Variants in NT5C3B observed in about 807,000 individuals in gnomAD.
NT5C3B encodes 7-methylguanosine phosphate-specific 5'-nucleotidase.
NT5C3B carries 28 observed loss-of-function variants against 32.5 expected under a neutral mutation model. The observed-to-expected ratio is 0.86, with a 90% CI of 0.64 to 1.18. NT5C3B has a LOEUF of 1.18. Among genes scored for constraint, NT5C3B ranks in the 50% most tolerant of loss-of-function variants. NT5C3B has a pLI of 0.00. For synonymous variants in NT5C3B, 138 were observed against 118.0 expected, an observed-to-expected ratio of 1.17 and a Z score of -1.10; for missense variants, 317 against 322.0, an observed-to-expected ratio of 0.98 and a Z score of 0.12.
At position 41,828,940 on chromosome 17, in the gene NT5C3B, C is replaced by T. The variant is rs782173095; in HGVS notation, c.417G>A (p.Lys139=). ...ESNAMLREGY[K]TFFNTLYHNN... ...TATGGTAGAGTGTGTTGAAGAAGGT[C>T]TTATATCCCTCCCTGAAAAGAGATG... is the stretch of plus-strand genomic sequence containing the variant. Residue 139 remains lysine (K), a synonymous_variant, in exon 7 of 9, where the codon AAG becomes AAA. Transcript: ENST00000435506. 19 of 1,609,118 alleles carry T rather than the reference C, an allele frequency of 1.2e-5. No homozygotes were observed. The highest frequency in any genetic ancestry group is 1.6e-5 in the Non-Finnish European group (19 of 1,176,060).
Position 41,830,727 on chromosome 17 carries a change from TC to T in NT5C3B, c.404+73del, listed in dbSNP as rs1425419364. 9 of 1,090,302 alleles carry T rather than the reference TC, an allele frequency of 8.3e-6. No homozygotes were observed. In the Admixed American group the frequency reaches 1.4e-4, roughly 17 times the overall value. The allele number at this position is 1,090,302 out of a possible 1,614,324, so 67.5% of individuals were successfully genotyped here. ...TAAGCAACTAACTGCTCTCTACTCTTCCCCCGCCTCCTTTTTTTGAACAAAA... is the reference window on the plus strand; with the variant it reads ...TAAGCAACTAACTGCTCTCTACTCTTCCCCGCCTCCTTTTTTTGAACAAAA... On this transcript the variant is annotated intron_variant, in intron 6 of 8. Coordinates refer to ENST00000435506, the MANE Select transcript of NT5C3B (RefSeq NM_052935.5).
At chr17:41,835,439 C>T (rs541928284) in intron 2 of NT5C3B, 167 bp from the exon 3 acceptor site, 228 of 661,452 alleles carry the variant, frequency 3.4e-4, no homozygotes, top group African/African-American at 3.4e-3. Context: ...GGGAAGTGAT[C>T]CTAATTAGTA....
rs192448762 is a variant in NT5C3B, at chr17:41,834,982, C to A, written c.228+88G>T. The A allele has an allele frequency of 6.1e-6, 8 of 1,304,562 alleles. No individual in the cohort carries two copies. In the African/African-American group the frequency reaches 1.0e-4, roughly 17 times the overall value. The allele number at this position is 1,304,562 out of a possible 1,614,324, so 80.8% of individuals were successfully genotyped here. On this transcript the variant is annotated intron_variant, in intron 4 of 8. Coordinates refer to ENST00000435506, the MANE Select transcript of NT5C3B (RefSeq NM_052935.5). ...TTTTTAAAAATTAATTTTCTAAGGT[C>A]TCTATACTGGAATCTTTGGTTCCAA...
In NT5C3B at chr17:41,827,500, TAG is replaced by T. The variant is rs782121910; in HGVS notation, c.692_693del (p.Ser231TyrfsTer24). ...GKTNVILLGD[S>X]IGDLTMADGV... Reference sequence around the variant, plus strand: ...CCATCGGCCATGGTGAGGTCCCCGATAGAGTCTCCCAGCAGGATGACATTGGT... The same window carrying T: ...CCATCGGCCATGGTGAGGTCCCCGATAGTCTCCCAGCAGGATGACATTGGT... On this transcript the variant is annotated frameshift_variant, in exon 8 of 9. Transcript: ENST00000435506. LOFTEE classifies it high-confidence loss of function. The T allele has an allele frequency of 4.6e-6, 4 of 872,846 alleles. No individual in the cohort carries two copies. Among genetic ancestry groups the T allele is most frequent in the East Asian group, 2.4e-5 (1 of 41,722 alleles). The allele number at this position is 872,846 out of a possible 1,614,324, so 54.1% of individuals were successfully genotyped here. A position where few individuals can be genotyped will look rare whatever the true frequency, so the allele number is the denominator to read the frequency against.
chr17:41,833,248 G>A (rs2048081810), intron 4 of NT5C3B, among the ~76,000 whole-genome samples: 1 of 152,104 alleles, frequency 6.6e-6, no homozygotes, highest in Non-Finnish European at 1.5e-5. Flanking sequence ...TCAGGTGATA[G>A]GTAAGAAAAC....
At position 41,825,127 on chromosome 17, in the gene NT5C3B, A is replaced by C; in HGVS notation, c.*396T>G. ...TCCTAGAAGCATCCCATGTGCCCCC[A>C]GGGCCAAGAGGTCCAGGTTCTACCC... On this transcript the variant is annotated 3_prime_UTR_variant, in exon 9 of 9. Coordinates refer to ENST00000435506, the MANE Select transcript of NT5C3B (RefSeq NM_052935.5). 1 of 163,994 alleles carries C rather than the reference A, an allele frequency of 6.1e-6. No homozygotes were observed. The allele number at this position is 163,994 out of a possible 1,614,324, so 10.2% of individuals were successfully genotyped here.
intron 7 of NT5C3B, among the ~76,000 whole-genome samples, chr17:41,827,946 A>G (rs538501748): frequency 4.5e-4 from 69 of 152,368 alleles, no homozygotes; most frequent in African/African-American, 1.6e-3. Context: ...CTTTTACAGC[A>G]TAAGTTTGTA....
In NT5C3B at chr17:41,825,600, C is replaced by T. The variant is rs1327388678; in HGVS notation, c.826G>A (p.Glu276Lys). The T allele has an allele frequency of 1.5e-5, 13 of 872,894 alleles. No individual in the cohort carries two copies. Among genetic ancestry groups the T allele is most frequent in the South Asian group, 2.6e-5 (2 of 76,552 alleles). The allele number at this position is 872,894 out of a possible 1,614,324, so 54.1% of individuals were successfully genotyped here. A position where few individuals can be genotyped will look rare whatever the true frequency, so the allele number is the denominator to read the frequency against. ...DSYDIVLEKD[E>K]TLDVVNGLLQ... The stretch of plus-strand genomic sequence containing the variant: ...AGCCCGTTGACCACATCCAGAGTCT[C>T]GTCCTTCTCCAGCACGATGTCATAG... The change falls in exon 9 of 9, where the codon GAG becomes AAG. Residue 276 changes from glutamate (E) to lysine (K), a missense_variant. Transcript: ENST00000435506.
At position 41,833,401 on chromosome 17, in the gene NT5C3B, C is replaced by G. The variant is rs946916492; in HGVS notation, c.229-924G>C. ...GCGCAATCTCGGCTCACTGCAACCT[C>G]CGCCTCCCGGGTTCGAGCAATTCTT... is the stretch of plus-strand genomic sequence containing the variant. On this transcript the variant is annotated intron_variant, in intron 4 of 8. Transcript: ENST00000435506. 3.9e-5 allele frequency among the ~76,000 whole-genome samples: 6 copies of G among 152,156 alleles called. No individual in the cohort carries two copies. In the East Asian group the frequency reaches 1.2e-3, roughly 29 times the overall value.
Position 41,835,283 on chromosome 17 carries a change from A to G in NT5C3B, c.112-11T>C, listed in dbSNP as rs782694441. 1.4e-5 allele frequency: 22 copies of G among 1,612,540 alleles called. 2 individuals are homozygous for G. In the South Asian group the frequency reaches 2.4e-4, roughly 18 times the overall value. ...AAAATCAGAAATCACCTATAAGGCA[A>G]AAGAGAGATGATGCCTAAATAGGCA... On this transcript the variant is annotated splice_polypyrimidine_tract_variant and intron_variant, in intron 2 of 8. Transcript: ENST00000435506.
intron 4 of NT5C3B, among the ~76,000 whole-genome samples, chr17:41,833,636 A>C (rs1555619371): frequency 6.6e-6 from 1 of 152,134 alleles, no homozygotes; most frequent in African/African-American, 2.4e-5. Context: ...TTATAAGTTA[A>C]TTACAATTTT....
chr17:41,832,741 G>T (rs1034227488), intron 4 of NT5C3B: 2 of 264,264 alleles, frequency 7.6e-6, no homozygotes, highest in African/African-American at 2.2e-5. Context: ...AGTGGCATGC[G>T]CCTTTAATCC....
intron 7 of NT5C3B, chr17:41,828,270 G>A (rs1428493792): frequency 3.2e-5 from 5 of 155,536 alleles, no homozygotes; most frequent in African/African-American, 1.2e-4. Flanking sequence ...CCATAAATTA[G>A]GTACCCCAGG....
intron 8 of NT5C3B, 118 bp from the exon 9 acceptor site, chr17:41,825,775 T>C: frequency 1.3e-6 from 1 of 792,990 alleles, no homozygotes; most frequent in Admixed American, 1.9e-5. Flanking sequence ...CCCAGCTCCC[T>C]TTTGAGAGCC....
At chr17:41,830,771 T>G in intron 6 of NT5C3B, 30 bp downstream of exon 6, 1 of 1,456,844 alleles carries the variant, frequency 6.9e-7, no homozygotes, top group Non-Finnish European at 9.6e-7. Flanking sequence ...AATAGTCTGA[T>G]AGAAATGTTT....
intron 3 of NT5C3B, 27 bp from the exon 4 acceptor site, chr17:41,835,143 T>C: frequency 6.2e-7 from 1 of 1,613,840 alleles, no homozygotes; most frequent in Non-Finnish European, 8.5e-7. Context: ...CTCCTTTTAC[T>C]TGTCCCTTAG....
Position 41,836,227 on chromosome 17 carries a change from A to G in NT5C3B, c.-34T>C, listed in dbSNP as rs1597928857. ...AGGCCTGGTCGGCGGCTCGCGGGAC[A>G]ACGACAGCCCCGCGACCGCACTGCG... On this transcript the variant is annotated 5_prime_UTR_variant, in exon 1 of 9. Coordinates refer to ENST00000435506, the MANE Select transcript of NT5C3B (RefSeq NM_052935.5). 8 of 1,231,590 alleles carry G rather than the reference A, an allele frequency of 6.5e-6. No homozygotes were observed. The highest frequency in any genetic ancestry group is 7.1e-6 in the Non-Finnish European group (7 of 988,944). 76.3% of individuals were successfully genotyped at this position (1,231,590 alleles called of 1,614,324 possible).
chr17:41,825,704 C>G lies in NT5C3B; in HGVS notation c.769-47G>C, dbSNP rs943798189. On this transcript the variant is annotated intron_variant, in intron 8 of 8. Transcript: ENST00000435506. Reference sequence around the variant, plus strand: ...AGCCAGAGGGTCCCCAAATGCCCTGCCCTCCGTAGCTCACTCTCAAAGCCC... The same window carrying G: ...AGCCAGAGGGTCCCCAAATGCCCTGGCCTCCGTAGCTCACTCTCAAAGCCC... 6.9e-6 allele frequency: 6 copies of G among 869,566 alleles called. No individual in the cohort carries two copies. The African/African-American group carries it at 9.8e-5, about 14-fold the overall frequency. 53.9% of individuals were successfully genotyped at this position (869,566 alleles called of 1,614,324 possible).
At position 41,828,912 on chromosome 17, in the gene NT5C3B, T is replaced by C. The variant is rs782490021; in HGVS notation, c.445A>G (p.Asn149Asp). ...KTFFNTLYHN[N>D]IPLFIFSAGI... ...GCAGAAAAGATGAAAAGGGGAATGT[T>C]GTTATGGTAGAGTGTGTTGAAGAAG... Residue 149 changes from asparagine to aspartate, a missense_variant, in exon 7 of 9, where the codon AAC becomes GAC. Asn to Asp is a conservative substitution (Grantham distance 23, BLOSUM62 1). Coordinates refer to ENST00000435506, the MANE Select transcript of NT5C3B (RefSeq NM_052935.5). 1.2e-6 allele frequency: 2 copies of C among 1,613,926 alleles called. No individual in the cohort carries two copies. Among genetic ancestry groups the C allele is most frequent in the East Asian group, 2.2e-5 (1 of 44,904 alleles).
Sources: allele counts gnomAD v4.1 joint callset (sites outside exome capture counted in the v4.1 genomes callset), GRCh38; gene constraint gnomAD v4.1.1; transcripts MANE v1.5; gene names NCBI Gene and HGNC (gene_info 2026-07-23, HGNC 2026-07-21).